CHST11: variants seen among roughly 807,000 people sequenced by gnomAD.
CHST11 encodes carbohydrate sulfotransferase 11, also known as C4S-1.
In CHST11, 9 loss-of-function variants were observed where a neutral mutation model predicts 30.4. The observed-to-expected ratio is 0.30, with a 90% CI of 0.18 to 0.52. The LOEUF is 0.52. Ranked by LOEUF, CHST11 falls within the 20% of genes least tolerant of loss-of-function variation. The pLI is 0.97. For synonymous variants in CHST11, 152 were observed against 187.8 expected (o/e 0.81, Z 1.56); for missense variants, 348 against 460.6 (o/e 0.76, Z 2.24).
chr12:104,652,057 C>T (rs545050250), intron 2 of CHST11, among the ~76,000 whole-genome samples: 2 of 152,344 alleles, frequency 1.3e-5, no homozygotes, highest in East Asian at 3.9e-4. Flanking sequence ...ACTTAGCAGG[C>T]TTGTGAGGCA....
chr12:104,488,441 A>G (rs941277168), intron 1 of CHST11, among the ~76,000 whole-genome samples: 6 of 137,512 alleles, frequency 4.4e-5, no homozygotes, highest in African/African-American at 1.7e-4. Flanking sequence ...GTATGCATGT[A>G]TGTATGTGTG....
chr12:104,719,921 T>C (rs2040160449), intron 2 of CHST11, among the ~76,000 whole-genome samples: 1 of 152,188 alleles, frequency 6.6e-6, no homozygotes, highest in South Asian at 2.1e-4. Flanking sequence ...CTTGCACCCA[T>C]TTCCTGGAGG....
intron 2 of CHST11, among the ~76,000 whole-genome samples, chr12:104,702,173 A>G (rs1163690943): frequency 6.6e-6 from 1 of 152,214 alleles, no homozygotes; most frequent in Non-Finnish European, 1.5e-5. Context: ...TCACCCTACC[A>G]TCTTACCAAA....
chr12:104,628,378 G>T (rs2039239258), intron 2 of CHST11, among the ~76,000 whole-genome samples: 1 of 152,100 alleles, frequency 6.6e-6, no homozygotes, highest in Non-Finnish European at 1.5e-5. Flanking sequence ...ACATTCAAGA[G>T]AAGAAAAAGG....
chr12:104,669,700 G>A (rs35065269), intron 2 of CHST11, among the ~76,000 whole-genome samples: 13,780 of 152,214 alleles, frequency 0.091, 698 homozygotes, highest in Middle Eastern at 0.15. Context: ...CTGCAAATTA[G>A]CTGTGTGACC....
At chr12:104,575,076 C>T (rs1226141333) in intron 1 of CHST11, among the ~76,000 whole-genome samples, 1 of 151,860 alleles carries the variant, frequency 6.6e-6, no homozygotes, top group Non-Finnish European at 1.5e-5. Context: ...ACCTGCAATT[C>T]CAGCTACTCA....
At chr12:104,592,187 G>A (rs11112121) in intron 1 of CHST11, among the ~76,000 whole-genome samples, 42,357 of 144,234 alleles carry the variant, frequency 0.29, 6,124 homozygotes, top group African/African-American at 0.35. Flanking sequence ...CTCCCTTCCC[G>A]TCTCTCATGC....
intron 1 of CHST11, among the ~76,000 whole-genome samples, chr12:104,593,514 G>A (rs1380554801): frequency 1.3e-5 from 2 of 152,344 alleles, no homozygotes; most frequent in East Asian, 3.9e-4. Context: ...CGTGCTGAAT[G>A]TTTTGTAAAG....
chr12:104,483,599 A>C (rs1002668283), intron 1 of CHST11, among the ~76,000 whole-genome samples: 1 of 152,230 alleles, frequency 6.6e-6, no homozygotes. Flanking sequence ...ATTTTGGATA[A>C]TAAGAGAAGA....
chr12:104,644,140 T>C (rs1324551686), intron 2 of CHST11, among the ~76,000 whole-genome samples: 1 of 152,202 alleles, frequency 6.6e-6, no homozygotes, highest in East Asian at 1.9e-4. Flanking sequence ...TCCTCCTCAC[T>C]GTGCTTATTG....
chr12:104,468,536 C>T (rs770622519), intron 1 of CHST11, among the ~76,000 whole-genome samples: 2 of 152,186 alleles, frequency 1.3e-5, no homozygotes, highest in Non-Finnish European at 2.9e-5. Context: ...ATTACTCTTC[C>T]CATCCACCCT....
intron 1 of CHST11, chr12:104,552,053 C>T (rs1262979128): frequency 6.6e-6 from 1 of 152,218 alleles, no homozygotes; most frequent in Non-Finnish European, 1.5e-5. Flanking sequence ...CTTGTACATA[C>T]AGGATCACCA....
chr12:104,691,649 A>C (rs1472711233), intron 2 of CHST11, among the ~76,000 whole-genome samples: 1 of 151,982 alleles, frequency 6.6e-6, no homozygotes, highest in African/African-American at 2.4e-5. Flanking sequence ...CACAGTGCCC[A>C]GCTAATTTTT....
intron 1 of CHST11, among the ~76,000 whole-genome samples, chr12:104,548,488 G>C (rs571217255): frequency 6.6e-6 from 1 of 152,070 alleles, no homozygotes; most frequent in East Asian, 1.9e-4. Flanking sequence ...AGAAGGACAG[G>C]GAAAAAGAAA....
chr12:104,540,543 T>G (rs1812682382), intron 1 of CHST11, among the ~76,000 whole-genome samples: 1 of 151,922 alleles, frequency 6.6e-6, no homozygotes, highest in South Asian at 2.1e-4. Context: ...CTCGAGCTAT[T>G]GGGCCACAAG....
rs116464163 is a variant in CHST11 at position 104,600,767 on chromosome 12, A to G, written c.119-1139A>G. On this transcript the variant is annotated intron_variant, in intron 1 of 2. Coordinates refer to ENST00000303694, the MANE Select transcript of CHST11 (RefSeq NM_018413.6). The surrounding 1 kb of genome is among the most constrained non-coding windows in gnomAD (Gnocchi z 4.1). ...GGATCTAGTTTTCCTTGTTCCACTCATGCCACTGTTGCACCTCAAACCATA... is the reference window on the plus strand; with the variant it reads ...GGATCTAGTTTTCCTTGTTCCACTCGTGCCACTGTTGCACCTCAAACCATA... Among the ~76,000 whole-genome samples, 124 of 152,276 alleles carry G rather than the reference A, an allele frequency of 8.1e-4. No individual in the cohort carries two copies. Among genetic ancestry groups the G allele is most frequent in the African/African-American group, 2.8e-3 (115 of 41,540 alleles).
At chr12:104,536,351 C>T (rs543182400) in intron 1 of CHST11, among the ~76,000 whole-genome samples, 9 of 152,288 alleles carry the variant, frequency 5.9e-5, no homozygotes, top group South Asian at 2.1e-4. Context: ...GCCCATGAGT[C>T]GATGCCCATC....
intron 1 of CHST11, among the ~76,000 whole-genome samples, chr12:104,569,005 C>T (rs2038597358): frequency 6.6e-6 from 1 of 152,114 alleles, no homozygotes; most frequent in Admixed American, 6.6e-5. Context: ...TAGTTGCTCT[C>T]ATGTATTAGC....
At chr12:104,576,058 C>G (rs754349149) in intron 1 of CHST11, among the ~76,000 whole-genome samples, 1 of 151,888 alleles carries the variant, frequency 6.6e-6, no homozygotes, top group African/African-American at 2.4e-5. Context: ...GAACTGTTCT[C>G]TCTTATGCCT....
Sources: allele counts gnomAD v4.1 joint callset (sites outside exome capture counted in the v4.1 genomes callset), GRCh38; gene constraint gnomAD v4.1.1; non-coding constraint Gnocchi (gnomAD v3.1); transcripts MANE v1.5; gene names NCBI Gene and HGNC (gene_info 2026-07-23, HGNC 2026-07-21).